The following PCDH11X variants were observed in gnomAD, a reference collection of about 807,000 sequenced individuals.
The protein encoded by PCDH11X is protocadherin-11 X-linked.
A neutral mutation model predicts 53.3 loss-of-function variants in PCDH11X; 18 were observed. That is an observed-to-expected ratio of 0.34 (90% CI 0.23 to 0.50). PCDH11X has a LOEUF of 0.50. PCDH11X is among the 20% of genes least tolerant of loss of function. The pLI, the probability that PCDH11X is intolerant of heterozygous loss-of-function variation, is 0.98. For missense variants in PCDH11X, 570 were observed against 1,032.4 expected, an observed-to-expected ratio of 0.55 and a Z score of 6.14; for synonymous variants, 279 against 393.3, an observed-to-expected ratio of 0.71 and a Z score of 3.44.
intron 10 of PCDH11X, among the ~76,000 whole-genome samples, chrX:92,613,462 C>A (rs184915456): frequency 9.1e-6 from 1 of 109,715 alleles, no homozygotes; most frequent in Admixed American, 9.8e-5. Context: ...CTGAGAAGTT[C>A]ACTGTTAGCC....
intron 6 of PCDH11X, among the ~76,000 whole-genome samples, chrX:92,176,916 G>C (rs1286483090): frequency 9.1e-6 from 1 of 109,762 alleles, no homozygotes; most frequent in Non-Finnish European, 1.9e-5. Context: ...AGATCTTACA[G>C]TAACTAGCAG....
intron 6 of PCDH11X, among the ~76,000 whole-genome samples, chrX:91,900,346 C>T (rs1940907988): frequency 9.0e-6 from 1 of 110,575 alleles, no homozygotes; most frequent in African/African-American, 3.3e-5. Context: ...GCCAGCAGAA[C>T]GTAATGTCAT....
intron 8 of PCDH11X, among the ~76,000 whole-genome samples, chrX:92,290,372 A>G (rs1468583710): frequency 9.0e-6 from 1 of 111,520 alleles, no homozygotes; most frequent in Admixed American, 9.6e-5. Flanking sequence ...ATAACCAGAA[A>G]GGAGCAATTG....
At chrX:92,481,643 A>G (rs978229168) in intron 10 of PCDH11X, among the ~76,000 whole-genome samples, 1 of 111,480 alleles carries the variant, frequency 9.0e-6, no homozygotes, top group African/African-American at 3.3e-5. Flanking sequence ...GGGCCTGCAG[A>G]GTTCAGGTCT....
At chrX:92,529,190 G>T (rs1332673991) in intron 10 of PCDH11X, among the ~76,000 whole-genome samples, 3 of 111,989 alleles carry the variant, frequency 2.7e-5, no homozygotes, top group Non-Finnish European at 5.6e-5. Flanking sequence ...TGAGCAATCT[G>T]TGTTGATGTA....
intron 8 of PCDH11X, among the ~76,000 whole-genome samples, chrX:92,329,910 G>A (rs2069422515): frequency 9.0e-6 from 1 of 111,311 alleles, no homozygotes; most frequent in Non-Finnish European, 1.9e-5. Flanking sequence ...CATCTAGCAT[G>A]TGTTAGCACA....
intron 6 of PCDH11X, among the ~76,000 whole-genome samples, chrX:91,915,321 A>C (rs1358833578): frequency 9.4e-6 from 1 of 105,945 alleles, no homozygotes; most frequent in Non-Finnish European, 1.9e-5. Context: ...CATGATGAGT[A>C]AAACAATACC....
chrX:92,553,634 T>A lies in PCDH11X; in HGVS notation c.3368-64630T>A, dbSNP rs2074999546. Among the ~76,000 whole-genome samples, 4 of 110,425 alleles carry A rather than the reference T, an allele frequency of 3.6e-5. No individual in the cohort carries two copies. The South Asian group carries it at 1.5e-3, about 42-fold the overall frequency. ...GTTTGGAATGCTTTTGATTTCCTAGTTCTTTAAGACGCATCATTAGATTGT... is the reference window on the plus strand; with the variant it reads ...GTTTGGAATGCTTTTGATTTCCTAGATCTTTAAGACGCATCATTAGATTGT... On this transcript the variant is annotated intron_variant, in intron 10 of 10. Coordinates refer to ENST00000682573, the MANE Select transcript of PCDH11X (RefSeq NM_032968.5).
chrX:91,781,319 G>A (rs1356318787), intron 1 of PCDH11X, among the ~76,000 whole-genome samples: 1 of 105,779 alleles, frequency 9.5e-6, no homozygotes, highest in Non-Finnish European at 2.0e-5. Flanking sequence ...GGGGAGGGGG[G>A]GCAGCAAAGA....
chrX:92,173,984 C>CAAAAAA (rs145379428), intron 6 of PCDH11X, among the ~76,000 whole-genome samples: 1 of 29,563 alleles, frequency 3.4e-5, no homozygotes, highest in Non-Finnish European at 5.5e-5. Flanking sequence ...GACCCAGTCT[C>CAAAAAA]AAAAAAAAAA....
chrX:92,217,609 C>A (rs2066750403), intron 7 of PCDH11X, among the ~76,000 whole-genome samples: 1 of 99,552 alleles, frequency 1.0e-5, no homozygotes, highest in Admixed American at 1.1e-4. Flanking sequence ...TAATGGGAGG[C>A]TTTAACACCC....
intron 10 of PCDH11X, among the ~76,000 whole-genome samples, chrX:92,599,632 T>C (rs186214763): frequency 6.2e-5 from 7 of 112,076 alleles, no homozygotes; most frequent in East Asian, 2.8e-4. Flanking sequence ...TATTTCTTCA[T>C]AGCAGTAAGA....
At chrX:92,328,590 A>T (rs1041965744) in intron 8 of PCDH11X, among the ~76,000 whole-genome samples, 1 of 110,620 alleles carries the variant, frequency 9.0e-6, no homozygotes, top group Non-Finnish European at 1.9e-5. Context: ...AAGAAAATTA[A>T]TAGTATTTGG....
At position 91,922,650 on chromosome X, in the gene PCDH11X, G is replaced by A. The variant is rs35013471; in HGVS notation, c.3033+43377G>A. Reference sequence around the variant, plus strand: ...AAACCCTATTGTGAACTGTGCATGCGAGGGATCTAGGTTGTGCGTTCCTTG... The same window carrying A: ...AAACCCTATTGTGAACTGTGCATGCAAGGGATCTAGGTTGTGCGTTCCTTG... On this transcript the variant is annotated intron_variant, in intron 6 of 10. Coordinates refer to ENST00000682573, the MANE Select transcript of PCDH11X (RefSeq NM_032968.5). 8.9e-5 allele frequency among the ~76,000 whole-genome samples: 10 copies of A among 112,276 alleles called. No homozygotes were observed. The East Asian group carries it at 2.8e-3, about 32-fold the overall frequency.
intron 6 of PCDH11X, among the ~76,000 whole-genome samples, chrX:91,893,009 T>C (rs1380088116): frequency 9.1e-6 from 1 of 109,815 alleles, no homozygotes; most frequent in African/African-American, 3.3e-5. Context: ...TGCTACCTGA[T>C]TTTATTAAAA....
chrX:92,555,829 T>A (rs1315513786), intron 10 of PCDH11X, among the ~76,000 whole-genome samples: 1 of 111,185 alleles, frequency 9.0e-6, no homozygotes, highest in African/African-American at 3.3e-5. Context: ...GCTAAACACA[T>A]GTATTAGCTC....
At chrX:92,166,889 A>G (rs956085076) in intron 6 of PCDH11X, among the ~76,000 whole-genome samples, 6 of 111,227 alleles carry the variant, frequency 5.4e-5, no homozygotes, top group African/African-American at 2.0e-4. Context: ...CAGAGTCCCC[A>G]TCACTTAAAA....
At chrX:92,030,093 G>T (rs1284144822) in intron 6 of PCDH11X, among the ~76,000 whole-genome samples, 1 of 111,625 alleles carries the variant, frequency 9.0e-6, no homozygotes, top group Non-Finnish European at 1.9e-5. Context: ...TTCACAAGTA[G>T]CTGGGACTAC....
At chrX:92,142,927 CA>C (rs2148219754) in intron 6 of PCDH11X, among the ~76,000 whole-genome samples, 1 of 100,517 alleles carries the variant, frequency 9.9e-6, no homozygotes, top group Non-Finnish European at 1.9e-5. Context: ...TGCATGCACA[CA>C]CACACACACA....
Sources: gnomAD v4.1 joint callset for allele counts (sites outside exome capture counted in the v4.1 genomes callset) on GRCh38, gnomAD v4.1.1 for gene constraint, MANE v1.5 for transcripts, NCBI Gene and HGNC (gene_info 2026-07-23, HGNC 2026-07-21) for gene names.